SHROOM2: variants seen among roughly 807,000 people sequenced by gnomAD.
SHROOM2 encodes the protein protein Shroom2.
In SHROOM2, 33 loss-of-function variants were observed where a neutral mutation model predicts 75.9. The ratio of observed to expected loss-of-function variants is 0.43; its 90% CI spans 0.33 to 0.58. SHROOM2 has a LOEUF of 0.58. Among genes scored for constraint, SHROOM2 ranks in the 20% least tolerant of loss-of-function variants. The pLI, the probability that SHROOM2 is intolerant of heterozygous loss-of-function variation, is 0.04. For synonymous variants in SHROOM2, 655 were observed against 663.6 expected, an observed-to-expected ratio of 0.99 and a Z score of 0.20; for missense variants, 1,434 against 1,461.2, an observed-to-expected ratio of 0.98 and a Z score of 0.30.
intron 1 of SHROOM2, among the ~76,000 whole-genome samples, chrX:9,822,493 AG>A (rs780059001): frequency 9.7e-5 from 11 of 112,941 alleles, no homozygotes; most frequent in Non-Finnish European, 1.7e-4. Context: ...AGAAAAGTTA[AG>A]GGATGCGAGT....
intron 5 of SHROOM2, among the ~76,000 whole-genome samples, chrX:9,907,950 C>T (rs2084400513): frequency 8.9e-6 from 1 of 112,310 alleles, no homozygotes; most frequent in Non-Finnish European, 1.9e-5. Flanking sequence ...GCTTGCCGAC[C>T]ATGTTGGGCT....
intron 7 of SHROOM2, 117 bp from the exon 8 acceptor site, chrX:9,939,078 C>T: frequency 1.7e-6 from 1 of 582,495 alleles, no homozygotes; most frequent in Non-Finnish European, 2.6e-6. Context: ...TCTCATCTCC[C>T]TGGCTGGTGT....
rs182265548 is a variant in SHROOM2 at position 9,935,865 on chromosome X, C to G, written c.3588-1269C>G. Among the ~76,000 whole-genome samples, 22 of 111,575 alleles carry G rather than the reference C, an allele frequency of 2.0e-4. No individual in the cohort carries two copies. The East Asian group carries it at 5.9e-3, about 30-fold the overall frequency. On this transcript the variant is annotated intron_variant, in intron 6 of 9. Coordinates refer to ENST00000380913, the MANE Select transcript of SHROOM2 (RefSeq NM_001649.4). ...TGGGGTTGTGGAGTTTGGCCTGTTT[C>G]TTTTTGCTTCCCTCCTGACCACCAG...
chrX:9,929,475 G>A (rs1447808677), intron 5 of SHROOM2, among the ~76,000 whole-genome samples: 1 of 110,974 alleles, frequency 9.0e-6, no homozygotes, highest in South Asian at 4.0e-4. Flanking sequence ...GAGCCTGTGG[G>A]CACCTTCTGA....
At chrX:9,880,860 G>T (rs907278472) in intron 2 of SHROOM2, among the ~76,000 whole-genome samples, 1 of 111,797 alleles carries the variant, frequency 8.9e-6, no homozygotes, top group East Asian at 2.8e-4. Context: ...GTCCCCAACT[G>T]CAAGATGCGT....
intron 1 of SHROOM2, among the ~76,000 whole-genome samples, chrX:9,842,376 C>T (rs1210178318): frequency 8.9e-6 from 1 of 112,486 alleles, no homozygotes; most frequent in African/African-American, 3.2e-5. Context: ...TCACTTAAAT[C>T]CCTGAAGATC....
rs113195924 is a variant in SHROOM2 at position 9,873,580 on chromosome X, G to A, written c.166-72G>A. On this transcript the variant is annotated intron_variant, in intron 1 of 9. Transcript: ENST00000380913. ...GCCAAGTGTGAGGTATGTCTGCTGC[G>A]TTCCGAGGACCTGCTCTGCCTCAGG... The A allele has an allele frequency of 8.1e-4, 922 of 1,144,750 alleles. 4 individuals are homozygous for A. The South Asian group carries it at 0.014, about 18-fold the overall frequency. 94.3% of individuals were successfully genotyped at this position (1,144,750 alleles called of 1,213,427 possible).
rs1275017120 is a variant in SHROOM2 at position 9,947,189 on chromosome X, G to A, written c.*252G>A. The A allele has an allele frequency of 1.3e-5, 5 of 388,823 alleles. No homozygotes were observed. The highest frequency in any genetic ancestry group is 2.2e-5 in the Non-Finnish European group (5 of 226,602). The allele number at this position is 388,823 out of a possible 1,213,427, so 32.0% of individuals were successfully genotyped here. ...CACCTGACACCAGGCTCTGCTGGAT[G>A]TGAGTTTCCACTGCATGGGCTGTGG... On this transcript the variant is annotated 3_prime_UTR_variant, in exon 10 of 10. Coordinates refer to ENST00000380913, the MANE Select transcript of SHROOM2 (RefSeq NM_001649.4).
rs766131637 is a variant in SHROOM2 at position 9,895,007 on chromosome X, G to A, written c.1099G>A (p.Asp367Asn). 5.0e-6 allele frequency: 6 copies of A among 1,209,495 alleles called. No individual in the cohort carries two copies. The Admixed American group carries it at 6.5e-5, about 13-fold the overall frequency. ...PRGDRRPELT[D>N]RPWRSAHPGS... Reference sequence around the variant, plus strand: ...TGGTGACCGGAGACCAGAGCTCACCGATCGGCCTTGGAGGTCAGCACACCC... The same window carrying A: ...TGGTGACCGGAGACCAGAGCTCACCAATCGGCCTTGGAGGTCAGCACACCC... Residue 367 changes from aspartate to asparagine, a missense_variant, in exon 4 of 10, where the codon GAT becomes AAT. Coordinates refer to ENST00000380913, the MANE Select transcript of SHROOM2 (RefSeq NM_001649.4).
intron 1 of SHROOM2, among the ~76,000 whole-genome samples, chrX:9,816,337 C>T (rs6530322): frequency 2.7e-5 from 3 of 111,220 alleles, no homozygotes; most frequent in Non-Finnish European, 3.8e-5. Context: ...ACATGGGTGG[C>T]GCATCCCTGA....
rs781016299 is a variant in SHROOM2 at position 9,891,442 on chromosome X, G to A, written c.449+334G>A. ...CTTTCCAGGGTTTTACACATGGACT[G>A]GAAGGCAGGAGATATATATGGGGTG... On this transcript the variant is annotated intron_variant, in intron 3 of 9. Transcript: ENST00000380913. 3.6e-5 allele frequency among the ~76,000 whole-genome samples: 4 copies of A among 112,438 alleles called. No homozygotes were observed. The East Asian group carries it at 8.4e-4, about 24-fold the overall frequency.
chrX:9,862,686 G>A lies in SHROOM2; in HGVS notation c.166-10966G>A, dbSNP rs187595305. Among the ~76,000 whole-genome samples, 96 of 112,053 alleles carry A rather than the reference G, an allele frequency of 8.6e-4. 1 individual carries two copies. Among genetic ancestry groups the A allele is most frequent in the African/African-American group, 2.5e-3 (78 of 30,905 alleles). On this transcript the variant is annotated intron_variant, in intron 1 of 9. Transcript: ENST00000380913. The stretch of plus-strand genomic sequence containing the variant: ...ATGATGAAGGCAAGCCCTTTCCACC[G>A]CCCGCGTGCCTCCACCGCCCTCTGC...
intron 5 of SHROOM2, among the ~76,000 whole-genome samples, chrX:9,914,612 C>T (rs2084470024): frequency 9.0e-6 from 1 of 110,953 alleles, no homozygotes; most frequent in Admixed American, 9.7e-5. Context: ...TGAAGAGGTC[C>T]TAGAGTTATT....
chrX:9,816,474 G>A (rs1416200748), intron 1 of SHROOM2, among the ~76,000 whole-genome samples: 2 of 112,371 alleles, frequency 1.8e-5, no homozygotes, highest in Non-Finnish European at 3.8e-5. Flanking sequence ...GCAGGGCTCC[G>A]ACAGAGGTGG....
chrX:9,910,816 C>CAAA (rs201958775), intron 5 of SHROOM2, among the ~76,000 whole-genome samples: 1 of 95,629 alleles, frequency 1.0e-5, no homozygotes, highest in African/African-American at 3.9e-5. Context: ...GACTCCATCT[C>CAAA]AAAAAAAAAA....
chrX:9,813,882 G>T (rs909611526), intron 1 of SHROOM2, among the ~76,000 whole-genome samples: 1 of 111,726 alleles, frequency 9.0e-6, no homozygotes, highest in Non-Finnish European at 1.9e-5. Context: ...TGCCTTTGAC[G>T]GTTGAGTGTC....
chrX:9,940,633 G>T (rs1350135239), intron 8 of SHROOM2, among the ~76,000 whole-genome samples: 1 of 112,098 alleles, frequency 8.9e-6, no homozygotes, highest in Non-Finnish European at 1.9e-5. Flanking sequence ...TGGACAAAGC[G>T]GCCACTGCTG....
At chrX:9,849,488 G>A (rs1443141443) in intron 1 of SHROOM2, among the ~76,000 whole-genome samples, 2 of 111,997 alleles carry the variant, frequency 1.8e-5, no homozygotes, top group Non-Finnish European at 3.8e-5. Context: ...TGCTAAGCTG[G>A]GCGGGCGTGG....
At chrX:9,902,377 G>A (rs1254045278) in intron 5 of SHROOM2, among the ~76,000 whole-genome samples, 1 of 111,313 alleles carries the variant, frequency 9.0e-6, no homozygotes, top group Non-Finnish European at 1.9e-5. Context: ...ATGGATGAGT[G>A]AATGGGAAGA....
Sources: gnomAD v4.1 joint callset for allele counts (sites outside exome capture counted in the v4.1 genomes callset) on GRCh38, gnomAD v4.1.1 for gene constraint, MANE v1.5 for transcripts, NCBI Gene and HGNC (gene_info 2026-07-23, HGNC 2026-07-21) for gene names.